The following RGS9 variants were observed in gnomAD, a reference collection of about 807,000 sequenced individuals.
The protein encoded by RGS9 is regulator of G-protein signalling 9.
RGS9 carries 78 observed loss-of-function variants against 102.0 expected under a neutral mutation model. That is an observed-to-expected ratio of 0.76 (90% CI 0.64 to 0.92). The LOEUF (loss-of-function observed/expected upper bound fraction) is 0.92, where lower values mean the gene tolerates loss of function less well. Ranked by LOEUF, RGS9 falls within the 40% of genes least tolerant of loss-of-function variation. The pLI, the probability that RGS9 is intolerant of heterozygous loss-of-function variation, is 0.00. For synonymous variants in RGS9, 353 were observed against 318.6 expected, an observed-to-expected ratio of 1.11 and a Z score of -1.15; for missense variants, 833 against 866.1, an observed-to-expected ratio of 0.96 and a Z score of 0.48.
intron 3 of RGS9, 116 bp downstream of exon 3, chr17:65,158,461 A>G: frequency 1.0e-6 from 1 of 978,620 alleles, no homozygotes; most frequent in Non-Finnish European, 1.6e-6. Context: ...AATTGGACAG[A>G]CATGACCTTC....
chr17:65,212,829 C>A (rs115588991), intron 17 of RGS9, among the ~76,000 whole-genome samples: 1 of 152,166 alleles, frequency 6.6e-6, no homozygotes. Flanking sequence ...CTGGAAGGTA[C>A]CCCAAGTAGA....
intron 12 of RGS9, among the ~76,000 whole-genome samples, chr17:65,194,759 C>T (rs1598605701): frequency 6.6e-6 from 1 of 151,988 alleles, no homozygotes; most frequent in East Asian, 1.9e-4. Context: ...AAGGGACAGG[C>T]CTGAGTGTGT....
chr17:65,183,154 G>A (rs1304541431), intron 9 of RGS9, among the ~76,000 whole-genome samples: 1 of 146,292 alleles, frequency 6.8e-6, no homozygotes, highest in Non-Finnish European at 1.5e-5. Flanking sequence ...AGACAGTCTT[G>A]CTCTGTCACC....
intron 1 of RGS9, among the ~76,000 whole-genome samples, chr17:65,141,127 C>T (rs187745181): frequency 4.6e-5 from 7 of 152,324 alleles, no homozygotes; most frequent in South Asian, 4.1e-4. Flanking sequence ...GGATGCCCGC[C>T]GGCCATGCTG....
rs879572499 is a variant in RGS9 at position 65,162,381 on chromosome 17, C to CA, written c.424-622dup. ...TGGGCAACACAGTGAGACACTGTCT[C>CA]AAAAAAAAAATTGATTTTCAAATTA... is the stretch of plus-strand genomic sequence containing the variant. On this transcript the variant is annotated intron_variant, in intron 6 of 18. Coordinates refer to ENST00000262406, the MANE Select transcript of RGS9 (RefSeq NM_003835.4). Among the ~76,000 whole-genome samples the CA allele has an allele frequency of 2.4e-3, 363 of 149,016 alleles. 2 individuals are homozygous for CA. Among genetic ancestry groups the CA allele is most frequent in the Non-Finnish European group, 4.2e-3 (279 of 67,106 alleles).
chr17:65,146,992 T>A (rs8067479), intron 1 of RGS9, among the ~76,000 whole-genome samples: 9,224 of 152,168 alleles, frequency 0.061, 897 homozygotes, highest in African/African-American at 0.2. Flanking sequence ...TCCTGCAGCC[T>A]GTTGCCTCCT....
At position 65,196,896 on chromosome 17, in the gene RGS9, C is replaced by T. The variant is rs573194720; in HGVS notation, c.861-230C>T. 3.9e-5 allele frequency among the ~76,000 whole-genome samples: 6 copies of T among 152,364 alleles called. No individual in the cohort carries two copies. The South Asian group carries it at 8.3e-4, about 21-fold the overall frequency. On this transcript the variant is annotated intron_variant, in intron 12 of 18. Coordinates refer to ENST00000262406, the MANE Select transcript of RGS9 (RefSeq NM_003835.4). ...CTGAGTGTGGGCTCCCCACGGTGGG[C>T]ATCCTCCTCACCTCTGGGATGGTCA...
At chr17:65,170,243 T>C (rs1221725443) in intron 8 of RGS9, among the ~76,000 whole-genome samples, 1 of 151,964 alleles carries the variant, frequency 6.6e-6, no homozygotes, top group Non-Finnish European at 1.5e-5. Context: ...TTAGTAGAGA[T>C]GGGGTTTCAC....
chr17:65,190,883 G>T (rs1912339874), intron 11 of RGS9, among the ~76,000 whole-genome samples: 2 of 152,156 alleles, frequency 1.3e-5, no homozygotes, highest in Admixed American at 1.3e-4. Flanking sequence ...GCTTATTCCT[G>T]GGAGGCACGA....
intron 7 of RGS9, among the ~76,000 whole-genome samples, chr17:65,167,800 C>T (rs1425202573): frequency 2.0e-5 from 3 of 152,066 alleles, no homozygotes; most frequent in Non-Finnish European, 4.4e-5. Flanking sequence ...GGGCTGGTGG[C>T]GGCAATATGA....
intron 12 of RGS9, 65 bp from the exon 13 acceptor site, chr17:65,197,061 C>A: frequency 8.5e-7 from 1 of 1,178,006 alleles, no homozygotes; most frequent in Non-Finnish European, 1.3e-6. Context: ...GGCCCTCACC[C>A]CAACCCAGGC....
chr17:65,216,057 C>T (rs1913513741), intron 17 of RGS9, among the ~76,000 whole-genome samples: 1 of 152,040 alleles, frequency 6.6e-6, no homozygotes. Context: ...AACTGGACCT[C>T]AAAGATTGAG....
intron 8 of RGS9, among the ~76,000 whole-genome samples, chr17:65,175,589 G>C (rs929325689): frequency 1.3e-5 from 2 of 152,044 alleles, no homozygotes; most frequent in African/African-American, 4.8e-5. Flanking sequence ...ACTCACCATG[G>C]GCTCCCCAGG....
At position 65,190,166 on chromosome 17, in the gene RGS9, C is replaced by G; in HGVS notation, c.685-9C>G. ...GTTGAATACCTTCTAACAACTGTGT[C>G]TCTTCCAGATCATGTATTACCAACA... is the stretch of plus-strand genomic sequence containing the variant. On this transcript the variant is annotated splice_polypyrimidine_tract_variant and intron_variant, in intron 10 of 18. Transcript: ENST00000262406. 1.2e-6 allele frequency: 2 copies of G among 1,610,782 alleles called. No homozygotes were observed. Among genetic ancestry groups the G allele is most frequent in the Non-Finnish European group, 1.7e-6 (2 of 1,176,964 alleles).
Position 65,167,459 on chromosome 17 carries a change from C to T in RGS9, c.501-741C>T, listed in dbSNP as rs550283942. On this transcript the variant is annotated intron_variant, in intron 7 of 18. Transcript: ENST00000262406. ...TCAAGTGATCTGCCCACCTCAGCCT[C>T]CCAAAGTGCTGTGATTACAGGCATG... is the stretch of plus-strand genomic sequence containing the variant. Among the ~76,000 whole-genome samples, 10 of 152,264 alleles carry T rather than the reference C, an allele frequency of 6.6e-5. No homozygotes were observed. In the South Asian group the frequency reaches 1.0e-3, roughly 16 times the overall value.
intron 2 of RGS9, 129 bp from the exon 3 acceptor site, chr17:65,158,166 T>C: frequency 2.3e-6 from 2 of 863,314 alleles, no homozygotes; most frequent in South Asian, 2.7e-5. Context: ...TGGGGGTTTC[T>C]GAAGGTTCTG....
At chr17:65,159,951 G>T (rs762359588) in intron 3 of RGS9, among the ~76,000 whole-genome samples, 1 of 152,234 alleles carries the variant, frequency 6.6e-6, no homozygotes, top group Non-Finnish European at 1.5e-5. Context: ...CGCTGCAGCA[G>T]ACCACGTGTG....
At chr17:65,218,422 G>A (rs187093552) in intron 17 of RGS9, among the ~76,000 whole-genome samples, 1 of 152,296 alleles carries the variant, frequency 6.6e-6, no homozygotes, top group African/African-American at 2.4e-5. Context: ...GTGGTTCCAG[G>A]AATTTTAATC....
At chr17:65,155,175 CAG>C (rs1219626927) in intron 2 of RGS9, among the ~76,000 whole-genome samples, 2 of 152,214 alleles carry the variant, frequency 1.3e-5, no homozygotes, top group Non-Finnish European at 2.9e-5. Flanking sequence ...AGAGTGGAAA[CAG>C]GGGGCAGACT....
Sources: gnomAD v4.1 joint callset for allele counts (sites outside exome capture counted in the v4.1 genomes callset) on GRCh38, gnomAD v4.1.1 for gene constraint, MANE v1.5 for transcripts, NCBI Gene and HGNC (gene_info 2026-07-23, HGNC 2026-07-21) for gene names.